Variants in NUBPL observed in about 807,000 individuals in gnomAD.
The protein encoded by NUBPL is NUBP iron-sulfur cluster assembly factor, mitochondrial, also known as iron-sulfur cluster transfer protein NUBPL.
A neutral mutation model predicts 45.7 loss-of-function variants in NUBPL; 31 were observed. The ratio of observed to expected loss-of-function variants is 0.68; its 90% CI spans 0.51 to 0.92. The LOEUF is 0.92. Among genes scored for constraint, NUBPL ranks in the 40% least tolerant of loss-of-function variants. NUBPL has a pLI of 0.00. For synonymous variants in NUBPL, 144 were observed against 140.9 expected (o/e 1.02, Z -0.15); for missense variants, 401 against 398.7 (o/e 1.01, Z -0.05).
At chr14:31,561,663 T>G (rs1486176241) in intron 1 of NUBPL, 116 bp downstream of exon 1, 1 of 692,566 alleles carries the variant, frequency 1.4e-6, no homozygotes, top group East Asian at 3.1e-5. Context: ...AGACCCCCAG[T>G]GTGCTGGACG....
intron 6 of NUBPL, among the ~76,000 whole-genome samples, chr14:31,768,801 C>T (rs1009578620): frequency 6.6e-6 from 1 of 152,200 alleles, no homozygotes; most frequent in Non-Finnish European, 1.5e-5. Context: ...ATGAAGAGTT[C>T]ATCCTGGTAC....
intron 4 of NUBPL, among the ~76,000 whole-genome samples, chr14:31,622,316 A>G (rs1015957590): frequency 6.6e-6 from 1 of 152,204 alleles, no homozygotes; most frequent in African/African-American, 2.4e-5. Flanking sequence ...AGCAGAGCAT[A>G]AAAGTTTGGA....
chr14:31,731,649 T>A (rs1238520941), intron 6 of NUBPL, among the ~76,000 whole-genome samples: 2 of 152,246 alleles, frequency 1.3e-5, no homozygotes, highest in Non-Finnish European at 2.9e-5. Flanking sequence ...TGTGTCAGCT[T>A]ATATAGCTGG....
At chr14:31,824,392 A>T (rs1179082195) in intron 7 of NUBPL, among the ~76,000 whole-genome samples, 1 of 152,126 alleles carries the variant, frequency 6.6e-6, no homozygotes, top group African/African-American at 2.4e-5. Context: ...CCCCATACTG[A>T]CTTATTTTTA....
At chr14:31,760,343 G>C (rs2038779831) in intron 6 of NUBPL, among the ~76,000 whole-genome samples, 2 of 151,712 alleles carry the variant, frequency 1.3e-5, no homozygotes, top group African/African-American at 4.8e-5. Context: ...TTATAGAGAT[G>C]GGGTTTTGCT....
intron 2 of NUBPL, 104 bp downstream of exon 2, chr14:31,562,319 G>C: frequency 9.0e-7 from 1 of 1,110,830 alleles, no homozygotes; most frequent in Non-Finnish European, 1.3e-6. Context: ...TATTTGTGAA[G>C]TTCCTAACAT....
rs72676932 is a variant in NUBPL at position 31,768,351 on chromosome 14, G to A, written c.514-19429G>A. ...CTTTTGTGAAGAGTTTTTTAAAATA[G>A]GCAACAAAATGTTGAAATCTTTTTA... On this transcript the variant is annotated intron_variant, in intron 6 of 10. Coordinates refer to ENST00000281081, the MANE Select transcript of NUBPL (RefSeq NM_025152.3). Among the ~76,000 whole-genome samples the A allele has an allele frequency of 5.2e-3, 788 of 152,286 alleles. 4 individuals are homozygous for A. The highest frequency in any genetic ancestry group is 8.9e-3 in the Non-Finnish European group (603 of 68,010).
intron 6 of NUBPL, among the ~76,000 whole-genome samples, chr14:31,705,211 A>G (rs1322849100): frequency 2.0e-5 from 3 of 151,160 alleles, no homozygotes; most frequent in East Asian, 1.9e-4. Context: ...TCATGGTCTC[A>G]CTGCCTTCAG....
At chr14:31,849,508 T>G (rs182125577) in intron 9 of NUBPL, among the ~76,000 whole-genome samples, 3 of 152,290 alleles carry the variant, frequency 2.0e-5, no homozygotes, top group African/African-American at 7.2e-5. Context: ...GTCTGTATTT[T>G]GGAGGTTCTT....
At chr14:31,598,309 C>T (rs527862328) in intron 3 of NUBPL, among the ~76,000 whole-genome samples, 2 of 152,068 alleles carry the variant, frequency 1.3e-5, no homozygotes, top group Admixed American at 6.5e-5. Flanking sequence ...TAGGTAACAT[C>T]GAAGATGAGT....
rs570805524 is a variant in NUBPL at position 31,834,447 on chromosome 14, G to A, written c.693+7733G>A. ...GCCCACCTTGGCCTCCCAAAGTGCT[G>A]GGATTACAGGCGTGAGCCACTGCGC... On this transcript the variant is annotated intron_variant, in intron 8 of 10. Transcript: ENST00000281081. Among the ~76,000 whole-genome samples, 5 of 152,192 alleles carry A rather than the reference G, an allele frequency of 3.3e-5. No individual in the cohort carries two copies. In the South Asian group the frequency reaches 6.2e-4, roughly 19 times the overall value.
At chr14:31,646,212 A>T (rs1339632196) in intron 4 of NUBPL, among the ~76,000 whole-genome samples, 1 of 151,052 alleles carries the variant, frequency 6.6e-6, no homozygotes, top group African/African-American at 2.4e-5. Context: ...TTTGAGACTG[A>T]GTCTTGCTCT....
intron 4 of NUBPL, among the ~76,000 whole-genome samples, chr14:31,622,011 T>TA (rs1273697081): frequency 6.6e-6 from 1 of 152,192 alleles, no homozygotes; most frequent in East Asian, 1.9e-4. Flanking sequence ...AAGATGCTGA[T>TA]AGTGATATGC....
At chr14:31,812,104 C>G (rs986984643) in intron 7 of NUBPL, among the ~76,000 whole-genome samples, 1 of 152,330 alleles carries the variant, frequency 6.6e-6, no homozygotes, top group South Asian at 2.1e-4. Flanking sequence ...GTCATGGACC[C>G]ACTTGAGGAG....
intron 4 of NUBPL, among the ~76,000 whole-genome samples, chr14:31,650,567 G>A (rs1308923585): frequency 6.6e-6 from 1 of 152,130 alleles, no homozygotes; most frequent in Non-Finnish European, 1.5e-5. Flanking sequence ...GGGATTACAG[G>A]CGTTAGTCAC....
chr14:31,595,055 G>A (rs976132597), intron 3 of NUBPL, among the ~76,000 whole-genome samples: 2 of 152,196 alleles, frequency 1.3e-5, no homozygotes, highest in Admixed American at 6.5e-5. Context: ...AGTATAAATT[G>A]CATTGGAAGA....
Position 31,639,048 on chromosome 14 carries a change from G to A in NUBPL, c.383-34307G>A, listed in dbSNP as rs1055286822. Among the ~76,000 whole-genome samples, 14 of 152,074 alleles carry A rather than the reference G, an allele frequency of 9.2e-5. No individual in the cohort carries two copies. The South Asian group carries it at 1.7e-3, about 18-fold the overall frequency. On this transcript the variant is annotated intron_variant, in intron 4 of 10. Transcript: ENST00000281081. ...TGGTTTGAGTTTCCTCCCATAGCTC[G>A]GAGTAGTTTGGTTGTCTGAAGCCTT...
At chr14:31,798,502 T>A (rs1436300635) in intron 7 of NUBPL, among the ~76,000 whole-genome samples, 1 of 150,958 alleles carries the variant, frequency 6.6e-6, no homozygotes, top group Non-Finnish European at 1.5e-5. Flanking sequence ...TTAGAAATTA[T>A]CTTATTTATG....
chr14:31,760,987 A>G (rs982338191), intron 6 of NUBPL, among the ~76,000 whole-genome samples: 5 of 152,218 alleles, frequency 3.3e-5, no homozygotes, highest in East Asian at 1.9e-4. Flanking sequence ...ATGAACCACC[A>G]TACCCATCTT....
Sources: gnomAD v4.1 joint callset for allele counts (sites outside exome capture counted in the v4.1 genomes callset) on GRCh38, gnomAD v4.1.1 for gene constraint, MANE v1.5 for transcripts, NCBI Gene and HGNC (gene_info 2026-07-23, HGNC 2026-07-21) for gene names.